The following CYP2J2 variants were observed in gnomAD, a reference collection of about 807,000 sequenced individuals.
CYP2J2 encodes the protein cytochrome P450 2J2.
Under a neutral mutation model 48.8 loss-of-function variants are expected in CYP2J2, and 41 were observed. That is an observed-to-expected ratio of 0.84 (90% CI 0.66 to 1.09). CYP2J2 has a LOEUF of 1.09. CYP2J2 is among the 50% of genes least tolerant of loss of function. The pLI, the probability that CYP2J2 is intolerant of heterozygous loss-of-function variation, is 0.00. For missense variants in CYP2J2, 644 were observed against 617.3 expected (o/e 1.04, Z -0.46); for synonymous variants, 221 against 227.1 (o/e 0.97, Z 0.24).
chr1:59,961,863 ATAT>A, the CYP2J2 span, among the ~76,000 whole-genome samples: 1 of 152,186 alleles, frequency 6.6e-6, no homozygotes, highest in Non-Finnish European at 1.5e-5. Flanking sequence ...AAACCTCAAA[ATAT>A]TATGCTTACC....
chr1:59,964,614 T>C, the CYP2J2 span, among the ~76,000 whole-genome samples: 1 of 152,218 alleles, frequency 6.6e-6, no homozygotes, highest in South Asian at 2.1e-4. Context: ...TGGCCACCAA[T>C]TGGACAAATG....
the CYP2J2 span, among the ~76,000 whole-genome samples, chr1:59,958,649 ACT>A: frequency 1.9e-3 from 283 of 151,966 alleles, 1 homozygote; most frequent in African/African-American, 6.6e-3. Flanking sequence ...CATGTAACTT[ACT>A]CTCTTTTTTT....
the CYP2J2 span, among the ~76,000 whole-genome samples, chr1:59,935,840 C>T: frequency 7.4e-4 from 112 of 152,326 alleles, no homozygotes; most frequent in South Asian, 5.4e-3. Context: ...ATGGCACGAT[C>T]TTGGCTCACT....
At chr1:59,940,480 C>T in the CYP2J2 span, among the ~76,000 whole-genome samples, 5 of 152,174 alleles carry the variant, frequency 3.3e-5, no homozygotes, top group Non-Finnish European at 5.9e-5. Flanking sequence ...ATGGCCATTA[C>T]TTTTAATGGC....
upstream of CYP2J2, among the ~76,000 whole-genome samples, chr1:59,930,148 A>G (rs138593164): frequency 2.8e-3 from 423 of 152,318 alleles, 3 homozygotes; most frequent in African/African-American, 9.8e-3. Flanking sequence ...AAAAACTCAG[A>G]AAACTGTTAA....
At chr1:59,951,008 C>T in the CYP2J2 span, among the ~76,000 whole-genome samples, 1 of 152,146 alleles carries the variant, frequency 6.6e-6, no homozygotes, top group African/African-American at 2.4e-5. Context: ...ATACCCAGCC[C>T]AAATGGAAGG....
intron 5 of CYP2J2, 84 bp from the exon 6 acceptor site, chr1:59,908,011 G>A: frequency 1.5e-6 from 2 of 1,370,564 alleles, no homozygotes; most frequent in Non-Finnish European, 2.0e-6. Flanking sequence ...TTCATCCTAG[G>A]AGGACATTTG....
intron 2 of CYP2J2, 99 bp downstream of exon 2, chr1:59,915,839 T>G: frequency 8.3e-7 from 1 of 1,205,810 alleles, no homozygotes; most frequent in Non-Finnish European, 1.2e-6. Flanking sequence ...TGGGGCTGGT[T>G]TCTAGGAGTG....
chr1:59,918,249 C>A (rs1213522327), intron 1 of CYP2J2, among the ~76,000 whole-genome samples: 1 of 152,090 alleles, frequency 6.6e-6, no homozygotes, highest in South Asian at 2.1e-4. Flanking sequence ...AGAAGGATTT[C>A]TTGACTAATT....
chr1:59,960,029 C>T, the CYP2J2 span, among the ~76,000 whole-genome samples: 6 of 152,102 alleles, frequency 3.9e-5, no homozygotes, highest in Non-Finnish European at 5.9e-5. Flanking sequence ...GCCACCTGCT[C>T]CCCCAAAACC....
intron 2 of CYP2J2, chr1:59,912,820 GA>G (rs1226782117): frequency 3.3e-5 from 5 of 153,346 alleles, no homozygotes; most frequent in African/African-American, 9.6e-5. Context: ...CTAAGGCTAA[GA>G]AAGGCTTTAT....
chr1:59,922,070 C>G (rs1488152624), intron 1 of CYP2J2, among the ~76,000 whole-genome samples: 1 of 152,128 alleles, frequency 6.6e-6, no homozygotes, highest in African/African-American at 2.4e-5. Flanking sequence ...AGGTCGTGAC[C>G]CCCCTGGACC....
At position 59,926,574 on chromosome 1, in the gene CYP2J2, A is replaced by G; in HGVS notation, c.173T>C (p.Leu58Pro). 1 of 1,614,202 alleles carries G rather than the reference A, an allele frequency of 6.2e-7. No homozygotes were observed. Among genetic ancestry groups the G allele is most frequent in the African/African-American group, 1.3e-5 (1 of 75,054 alleles). ...WRLPFLGNFFLVDFEQSHLEV... is the reference protein window; with the variant it reads ...WRLPFLGNFFPVDFEQSHLEV... Reference sequence around the variant, plus strand: ...CAGGTGCGACTGCTCGAAGTCCACAAGGAAGAAGTTGCCAAGGAAGGGCAG... The same window carrying G: ...CAGGTGCGACTGCTCGAAGTCCACAGGGAAGAAGTTGCCAAGGAAGGGCAG... The change falls in exon 1 of 9, where the codon CTT becomes CCT. Residue 58 changes from leucine to proline, a missense_variant. Coordinates refer to ENST00000371204, the MANE Select transcript of CYP2J2 (RefSeq NM_000775.4).
chr1:59,956,469 C>A, the CYP2J2 span, among the ~76,000 whole-genome samples: 7 of 152,074 alleles, frequency 4.6e-5, no homozygotes, highest in Non-Finnish European at 7.4e-5. Context: ...AGAGGACTCT[C>A]TTCTCTTTTT....
chr1:59,957,365 T>C, the CYP2J2 span, among the ~76,000 whole-genome samples: 9 of 152,084 alleles, frequency 5.9e-5, no homozygotes, highest in Non-Finnish European at 1.2e-4. Context: ...CATGAGGCTA[T>C]TTCTATATTG....
chr1:59,962,298 T>TA, the CYP2J2 span, among the ~76,000 whole-genome samples: 1 of 152,136 alleles, frequency 6.6e-6, no homozygotes, highest in Admixed American at 6.6e-5. Context: ...ATAACCTAAG[T>TA]AACTCATAAT....
At chr1:59,921,587 G>A (rs1395319065) in intron 1 of CYP2J2, among the ~76,000 whole-genome samples, 1 of 151,900 alleles carries the variant, frequency 6.6e-6, no homozygotes, top group African/African-American at 2.4e-5. Flanking sequence ...ATCTTGCCAC[G>A]GCTCTTCTAG....
chr1:59,967,012 T>C, the CYP2J2 span, among the ~76,000 whole-genome samples: 2 of 152,132 alleles, frequency 1.3e-5, no homozygotes, highest in African/African-American at 2.4e-5. Flanking sequence ...CATTTTACTT[T>C]TACAATGTAT....
chr1:59,947,037 A>G, the CYP2J2 span, among the ~76,000 whole-genome samples: 3 of 152,230 alleles, frequency 2.0e-5, no homozygotes, highest in African/African-American at 7.2e-5. Context: ...GATAGCCCCA[A>G]ACTATTCATC....
Sources: gnomAD v4.1 joint callset for allele counts (sites outside exome capture counted in the v4.1 genomes callset) on GRCh38, gnomAD v4.1.1 for gene constraint, MANE v1.5 for transcripts, NCBI Gene and HGNC (gene_info 2026-07-23, HGNC 2026-07-21) for gene names.